SPIRE1: variants seen among roughly 807,000 people sequenced by gnomAD.
The protein encoded by SPIRE1 is protein spire homolog 1.
A neutral mutation model predicts 94.1 loss-of-function variants in SPIRE1; 40 were observed. That is an observed-to-expected ratio of 0.43 (90% confidence interval 0.33 to 0.55). The LOEUF is 0.55. SPIRE1 is among the 20% of genes least tolerant of loss of function. The pLI is 0.06. For missense variants in SPIRE1, 838 were observed against 975.2 expected (o/e 0.86, Z 1.87); for synonymous variants, 376 against 371.7 (o/e 1.01, Z -0.13).
At chr18:12,587,113 G>A (rs2036409763) in intron 2 of SPIRE1, among the ~76,000 whole-genome samples, 2 of 152,172 alleles carry the variant, frequency 1.3e-5, no homozygotes, top group Admixed American at 6.5e-5. Flanking sequence ...GCATGAAGAG[G>A]TTACATAATT....
At chr18:12,461,440 A>ACATATGTACG (rs2031804491) in intron 12 of SPIRE1, among the ~76,000 whole-genome samples, 1 of 119,304 alleles carries the variant, frequency 8.4e-6, no homozygotes, top group Non-Finnish European at 1.7e-5. Flanking sequence ...ATGTATGTAT[A>ACATATGTACG]TACATACATG....
chr18:12,520,973 T>G (rs1280272244), intron 4 of SPIRE1, among the ~76,000 whole-genome samples: 1 of 152,188 alleles, frequency 6.6e-6, no homozygotes, highest in Non-Finnish European at 1.5e-5. Context: ...ATTGGCCCTA[T>G]GACACTGGCG....
At chr18:12,532,210 T>G (rs531175629) in intron 4 of SPIRE1, among the ~76,000 whole-genome samples, 4 of 152,322 alleles carry the variant, frequency 2.6e-5, no homozygotes, top group Admixed American at 2.0e-4. Context: ...TAAACAAATT[T>G]GCTTTCTAAA....
intron 2 of SPIRE1, among the ~76,000 whole-genome samples, chr18:12,608,738 TC>T (rs1305611426): frequency 2.6e-5 from 4 of 152,196 alleles, no homozygotes; most frequent in Non-Finnish European, 5.9e-5. Context: ...AATAATAATA[TC>T]AATAGTATCC....
chr18:12,518,135 T>G (rs974909518), intron 4 of SPIRE1, among the ~76,000 whole-genome samples: 2 of 152,122 alleles, frequency 1.3e-5, no homozygotes, highest in African/African-American at 2.4e-5. Flanking sequence ...CTCAGCCTCC[T>G]GAGCAGCAGG....
intron 12 of SPIRE1, among the ~76,000 whole-genome samples, chr18:12,460,434 C>T (rs557730541): frequency 7.9e-5 from 12 of 152,286 alleles, no homozygotes; most frequent in South Asian, 2.1e-4. Flanking sequence ...AATTATCAGC[C>T]GGGCACAGTG....
At chr18:12,633,999 A>G (rs955582572) in intron 2 of SPIRE1, among the ~76,000 whole-genome samples, 1 of 152,356 alleles carries the variant, frequency 6.6e-6, no homozygotes, top group East Asian at 1.9e-4. Flanking sequence ...CTGTAATCCC[A>G]GCACTTTGGG....
At chr18:12,562,109 C>A (rs886129481) in intron 2 of SPIRE1, among the ~76,000 whole-genome samples, 7 of 152,180 alleles carry the variant, frequency 4.6e-5, no homozygotes, top group African/African-American at 1.7e-4. Flanking sequence ...TTGATTCATT[C>A]TTTCTTATTA....
At chr18:12,464,480 A>G (rs1301905266) in intron 11 of SPIRE1, among the ~76,000 whole-genome samples, 1 of 152,190 alleles carries the variant, frequency 6.6e-6, no homozygotes, top group Non-Finnish European at 1.5e-5. Context: ...TGTTTTCACT[A>G]TCTACACAGG....
At chr18:12,636,812 C>A (rs2037941474) in intron 1 of SPIRE1, among the ~76,000 whole-genome samples, 1 of 152,094 alleles carries the variant, frequency 6.6e-6, no homozygotes, top group African/African-American at 2.4e-5. Flanking sequence ...TTATAACATA[C>A]ATTTTATTTA....
intron 4 of SPIRE1, among the ~76,000 whole-genome samples, chr18:12,529,144 C>T (rs868340216): frequency 2.6e-4 from 40 of 152,158 alleles, no homozygotes; most frequent in Middle Eastern, 3.4e-3. Flanking sequence ...CCGAGGCGGG[C>T]GGACCACGAG....
intron 2 of SPIRE1, among the ~76,000 whole-genome samples, chr18:12,567,260 A>G (rs1268835196): frequency 6.6e-6 from 1 of 152,200 alleles, no homozygotes; most frequent in Non-Finnish European, 1.5e-5. Flanking sequence ...GTGTCAATCT[A>G]ACAAAATACA....
At chr18:12,623,129 A>C (rs568771510) in intron 2 of SPIRE1, among the ~76,000 whole-genome samples, 22 of 151,214 alleles carry the variant, frequency 1.5e-4, no homozygotes, top group African/African-American at 5.1e-4. Context: ...TTTACCCTTC[A>C]AGATGTTTTA....
At chr18:12,603,990 G>A (rs191356005) in intron 2 of SPIRE1, among the ~76,000 whole-genome samples, 9 of 152,210 alleles carry the variant, frequency 5.9e-5, no homozygotes, top group African/African-American at 1.9e-4. Context: ...GGCTCCTGGC[G>A]GGTGGTGAGC....
chr18:12,562,538 A>C (rs9989546), intron 2 of SPIRE1, among the ~76,000 whole-genome samples: 12,156 of 151,574 alleles, frequency 0.08, 661 homozygotes, highest in Middle Eastern at 0.16. Context: ...CATGTGCAGG[A>C]TGTGGAAGTT....
At chr18:12,539,614 C>CAT (rs1555621644) in intron 3 of SPIRE1, among the ~76,000 whole-genome samples, 118 of 150,828 alleles carry the variant, frequency 7.8e-4, no homozygotes, top group Admixed American at 3.9e-3. Flanking sequence ...CACACACACA[C>CAT]GTTGGGAATA....
intron 6 of SPIRE1, among the ~76,000 whole-genome samples, chr18:12,499,182 A>G (rs2033568817): frequency 6.6e-6 from 1 of 152,218 alleles, no homozygotes; most frequent in Admixed American, 6.5e-5. Context: ...TGAAATTTCA[A>G]GAAGTGTGAG....
intron 9 of SPIRE1, 65 bp from the exon 10 acceptor site, chr18:12,479,936 CCA>C: frequency 6.8e-7 from 1 of 1,479,034 alleles, no homozygotes. Flanking sequence ...TGGAAGCATA[CCA>C]GGTAACAGAG....
At chr18:12,577,513 G>GA (rs1202202044) in intron 2 of SPIRE1, among the ~76,000 whole-genome samples, 1 of 151,914 alleles carries the variant, frequency 6.6e-6, no homozygotes, top group Non-Finnish European at 1.5e-5. Flanking sequence ...GAAAATTCTA[G>GA]AAAAAAAGGA....
Sources: allele counts gnomAD v4.1 joint callset (sites outside exome capture counted in the v4.1 genomes callset), GRCh38; gene constraint gnomAD v4.1.1; transcripts MANE v1.5; gene names NCBI Gene and HGNC (gene_info 2026-07-23, HGNC 2026-07-21).